SEMA3A: variants seen among roughly 807,000 people sequenced by gnomAD.
The protein encoded by SEMA3A is semaphorin 3A.
Under a neutral mutation model 97.9 loss-of-function variants are expected in SEMA3A, and 29 were observed. That is an observed-to-expected ratio of 0.30 (90% CI 0.22 to 0.40). SEMA3A has a LOEUF of 0.40. Ranked by LOEUF, SEMA3A falls within the 10% of genes least tolerant of loss-of-function variation. The probability of loss-of-function intolerance (pLI) is 1.00; values close to 1 mark genes in which losing one functional copy is unlikely to be tolerated. For synonymous variants in SEMA3A, 321 were observed against 323.7 expected (o/e 0.99, Z 0.09); for missense variants, 763 against 951.3 (o/e 0.80, Z 2.60).
At chr7:84,309,246 G>A (rs992230126) in intron 2 of SEMA3A, among the ~76,000 whole-genome samples, 12 of 152,184 alleles carry the variant, frequency 7.9e-5, no homozygotes. Context: ...GGAGAGGATA[G>A]TGAAAGAGTA....
In SEMA3A at chr7:84,453,405, T is replaced by A. The variant is rs544634179; in HGVS notation, c.-246+39055A>T. Among the ~76,000 whole-genome samples, 32 of 151,754 alleles carry A rather than the reference T, an allele frequency of 2.1e-4. 1 individual carries two copies. The highest frequency in any genetic ancestry group is 1.3e-3 in the South Asian group (6 of 4,796). On this transcript the variant is annotated intron_variant, in intron 1 of 3. Transcript: ENST00000424555. The stretch of plus-strand genomic sequence containing the variant: ...GCGCCCGCCACCTCGCCCGGCTAAT[T>A]TTTTGTATTTTTAGTAGAGACGGGG...
intron 4 of SEMA3A, among the ~76,000 whole-genome samples, chr7:84,097,622 T>A (rs1440478548): frequency 3.3e-5 from 5 of 152,048 alleles, no homozygotes; most frequent in African/African-American, 9.7e-5. Flanking sequence ...AAAATAAAGA[T>A]AAAATAAAAA....
In SEMA3A at chr7:84,437,207, T is replaced by C. The variant is rs149335215; in HGVS notation, c.-246+55253A>G. On this transcript the variant is annotated intron_variant, in intron 1 of 3. Transcript: ENST00000424555. ...TAATTCAAAGGAAAGTATATTTTAA[T>C]GGCTAAAGGTTCCTAGAGATCAGTT... Among the ~76,000 whole-genome samples the C allele has an allele frequency of 2.4e-3, 369 of 152,162 alleles. 1 individual carries two copies. The highest frequency in any genetic ancestry group is 8.5e-3 in the African/African-American group (353 of 41,556).
intron 2 of SEMA3A, among the ~76,000 whole-genome samples, chr7:84,346,134 C>G (rs1033094432): frequency 7.2e-5 from 11 of 152,200 alleles, no homozygotes; most frequent in Admixed American, 3.9e-4. Flanking sequence ...AAACCAACCT[C>G]TACTAGCTTT....
rs536488484 is a variant in SEMA3A, at chr7:84,277,658, T to C, written c.-83+29549A>G. The stretch of plus-strand genomic sequence containing the variant: ...AAGAGGTTTAATTGGCTCATGGTTC[T>C]ACAGGCTGTCCAGGAAGCAGAACGC... On this transcript the variant is annotated intron_variant, in intron 3 of 3. Coordinates refer to the SEMA3A transcript ENST00000424555. Among the ~76,000 whole-genome samples the C allele has an allele frequency of 3.3e-5, 5 of 152,276 alleles. No individual in the cohort carries two copies. In the South Asian group the frequency reaches 1.0e-3, roughly 32 times the overall value.
intron 6 of SEMA3A, among the ~76,000 whole-genome samples, chr7:84,021,363 TGC>T (rs1174662264): frequency 1.1e-4 from 17 of 152,238 alleles, no homozygotes; most frequent in Non-Finnish European, 1.5e-5. Flanking sequence ...GACAGGCATT[TGC>T]CCTATATTTC....
rs541958574 is a variant in SEMA3A at position 84,304,170 on chromosome 7, A to T, written c.-83+3037T>A. ...AAGCTCCTCATGGATGAAGGTGTTT[A>T]AAAACCAGAAACATGGGCAGAAATG... On this transcript the variant is annotated intron_variant, in intron 3 of 3. Coordinates refer to the SEMA3A transcript ENST00000424555. Among the ~76,000 whole-genome samples, 5 of 152,294 alleles carry T rather than the reference A, an allele frequency of 3.3e-5. 1 individual carries two copies. The highest frequency in any genetic ancestry group is 1.2e-4 in the African/African-American group (5 of 41,588).
intron 2 of SEMA3A, among the ~76,000 whole-genome samples, chr7:84,134,100 A>G (rs1796051025): frequency 6.6e-6 from 1 of 152,064 alleles, no homozygotes. Context: ...TAGCTTATTA[A>G]TGAAATGAGC....
rs538082787 is a variant in SEMA3A, at chr7:84,070,189, C to G, written c.454-9631G>C. Among the ~76,000 whole-genome samples the G allele has an allele frequency of 3.3e-5, 5 of 152,264 alleles. No individual in the cohort carries two copies. The South Asian group carries it at 1.0e-3, about 32-fold the overall frequency. On this transcript the variant is annotated intron_variant, in intron 4 of 16. Coordinates refer to ENST00000265362, the MANE Select transcript of SEMA3A (RefSeq NM_006080.3). ...GCTATACTGATTCTAATTGCTTTAG[C>G]AGATGCTATGAGCATATCATATAAG...
chr7:84,480,422 T>C (rs1419286924), intron 1 of SEMA3A, among the ~76,000 whole-genome samples: 1 of 152,196 alleles, frequency 6.6e-6, no homozygotes. Context: ...TTCCATTCAG[T>C]AATTTTCTTC....
intron 3 of SEMA3A, among the ~76,000 whole-genome samples, chr7:84,246,610 A>G (rs1005984424): frequency 1.3e-5 from 2 of 152,132 alleles, no homozygotes; most frequent in Non-Finnish European, 1.5e-5. Context: ...TATAAATGCA[A>G]ATGAACTAAT....
At chr7:84,024,011 CAAAAA>C (rs397890179) in intron 6 of SEMA3A, among the ~76,000 whole-genome samples, 2 of 113,694 alleles carry the variant, frequency 1.8e-5, no homozygotes, top group Non-Finnish European at 1.9e-5. Context: ...GACTCCGTCT[CAAAAA>C]AAAAAAAAAA....
chr7:84,327,970 A>G (rs1292801923), intron 2 of SEMA3A, among the ~76,000 whole-genome samples: 1 of 152,052 alleles, frequency 6.6e-6, no homozygotes, highest in African/African-American at 2.4e-5. Flanking sequence ...AATTAATCAA[A>G]CAGAAAGATA....
chr7:84,300,858 A>T (rs1460109371), intron 3 of SEMA3A, among the ~76,000 whole-genome samples: 1 of 152,126 alleles, frequency 6.6e-6, no homozygotes, highest in African/African-American at 2.4e-5. Context: ...TTTAAAGGAT[A>T]TAGTCATTAA....
intron 2 of SEMA3A, among the ~76,000 whole-genome samples, chr7:84,313,354 GTGTATATATATATATATA>G (rs1386802355): frequency 0.027 from 997 of 36,802 alleles, 41 homozygotes; most frequent in Middle Eastern, 0.056. Flanking sequence ...ATATGTGTGT[GTGTATATATATATATATA>G]TATATATATA....
At chr7:84,189,478 G>T (rs921809457) in intron 1 of SEMA3A, among the ~76,000 whole-genome samples, 4 of 151,660 alleles carry the variant, frequency 2.6e-5, no homozygotes, top group African/African-American at 9.7e-5. Flanking sequence ...AGTTGTGAAG[G>T]TGTGGTATTT....
intron 3 of SEMA3A, among the ~76,000 whole-genome samples, chr7:84,289,382 A>G (rs1800682328): frequency 6.6e-6 from 1 of 152,168 alleles, no homozygotes; most frequent in Non-Finnish European, 1.5e-5. Context: ...TGTTCCCAAC[A>G]TAAAGAAATG....
intron 6 of SEMA3A, among the ~76,000 whole-genome samples, chr7:84,025,235 A>C (rs1303997023): frequency 6.6e-6 from 1 of 152,236 alleles, no homozygotes; most frequent in Non-Finnish European, 1.5e-5. Flanking sequence ...TGTAAATTAT[A>C]AAACTATATT....
chr7:84,146,471 C>G (rs1010512001), intron 1 of SEMA3A, among the ~76,000 whole-genome samples: 1 of 151,858 alleles, frequency 6.6e-6, no homozygotes, highest in East Asian at 1.9e-4. Flanking sequence ...TTTTTTTGCT[C>G]TCTGGTCCCT....
Sources: allele counts gnomAD v4.1 joint callset (sites outside exome capture counted in the v4.1 genomes callset), GRCh38; gene constraint gnomAD v4.1.1; transcripts MANE v1.5; gene names NCBI Gene and HGNC (gene_info 2026-07-23, HGNC 2026-07-21).